The following DMD variants were observed in gnomAD, a reference collection of about 807,000 sequenced individuals.
DMD encodes dystrophin, also known as mutant dystrophin.
A neutral mutation model predicts 330.1 loss-of-function variants in DMD; 63 were observed. The ratio of observed to expected loss-of-function variants is 0.19; its 90% CI spans 0.16 to 0.24. DMD has a LOEUF of 0.24. Among genes scored for constraint, DMD ranks in the 10% least tolerant of loss-of-function variants. DMD has a pLI of 1.00. For missense variants in DMD, 3,344 were observed against 2,684.1 expected (o/e 1.25, Z -5.43); for synonymous variants, 1,223 against 959.8 (o/e 1.27, Z -5.07).
chrX:32,792,823 T>C (rs1603424962), intron 7 of DMD, among the ~76,000 whole-genome samples: 1 of 112,239 alleles, frequency 8.9e-6, no homozygotes, highest in East Asian at 2.8e-4. Flanking sequence ...AAGCAAGTAT[T>C]AGATCTAAAG....
Position 32,340,799 on chromosome X carries a change from A to G in DMD, c.5922+1301T>C, listed in dbSNP as rs534473848. 2.6e-4 allele frequency among the ~76,000 whole-genome samples: 29 copies of G among 112,026 alleles called. 1 individual carries two copies. In the South Asian group the frequency reaches 9.6e-3, roughly 37 times the overall value. Reference sequence around the variant, plus strand: ...AGTGTAAGGTTATTTATGACACATTACATTCATAACATCTAATATGAAGGA... The same window carrying G: ...AGTGTAAGGTTATTTATGACACATTGCATTCATAACATCTAATATGAAGGA... On this transcript the variant is annotated intron_variant, in intron 41 of 78. Coordinates refer to ENST00000357033, the MANE Select transcript of DMD (RefSeq NM_004006.3).
chrX:32,648,794 C>G (rs1405619657), intron 9 of DMD, among the ~76,000 whole-genome samples: 1 of 111,941 alleles, frequency 8.9e-6, no homozygotes, highest in African/African-American at 3.3e-5. Flanking sequence ...TTTGTTTCAG[C>G]ACCCCAAAAT....
intron 2 of DMD, among the ~76,000 whole-genome samples, chrX:32,938,411 A>C (rs1265187792): frequency 9.0e-6 from 1 of 111,505 alleles, no homozygotes; most frequent in Non-Finnish European, 1.9e-5. Context: ...TAGAGCTTTT[A>C]GAAATGCTTC....
intron 60 of DMD, among the ~76,000 whole-genome samples, chrX:31,421,906 C>CACATATATATATGTATATAT (rs2063394053): frequency 1.6e-5 from 1 of 63,028 alleles, no homozygotes; most frequent in African/African-American, 1.2e-4. Flanking sequence ...TATATACACA[C>CACATATATATATGTATATAT]ACACACACAT....
intron 44 of DMD, among the ~76,000 whole-genome samples, chrX:32,075,075 T>C (rs754630660): frequency 1.9e-4 from 21 of 112,173 alleles, no homozygotes; most frequent in Non-Finnish European, 3.6e-4. Flanking sequence ...AGAGAGGAAG[T>C]GAACTCCTCA....
At chrX:31,154,007 A>C (rs186065424) in intron 74 of DMD, among the ~76,000 whole-genome samples, 46 of 112,414 alleles carry the variant, frequency 4.1e-4, no homozygotes, top group African/African-American at 1.5e-3. Flanking sequence ...GAGGGTTTGA[A>C]CTAGAGATGA....
At chrX:32,256,191 T>A (rs987554205) in intron 43 of DMD, among the ~76,000 whole-genome samples, 1 of 111,487 alleles carries the variant, frequency 9.0e-6, no homozygotes, top group Non-Finnish European at 1.9e-5. Context: ...ATATTTAGAA[T>A]AGTTAGTTCT....
At chrX:31,339,763 C>T (rs1018096150) in intron 61 of DMD, among the ~76,000 whole-genome samples, 3 of 111,687 alleles carry the variant, frequency 2.7e-5, no homozygotes, top group Non-Finnish European at 5.6e-5. Context: ...TTAGTAGAGA[C>T]AGGGTTTCTC....
intron 1 of DMD, among the ~76,000 whole-genome samples, chrX:33,044,966 G>A (rs1369852853): frequency 9.0e-5 from 10 of 111,418 alleles, no homozygotes; most frequent in Non-Finnish European, 1.9e-4. Flanking sequence ...GTTGTACTAT[G>A]CATGAATATA....
chrX:33,105,223 A>G (rs755812179), intron 1 of DMD, among the ~76,000 whole-genome samples: 1 of 111,767 alleles, frequency 8.9e-6, no homozygotes, highest in African/African-American at 3.2e-5. Context: ...TGGGACAACC[A>G]CATGTGGAAG....
chrX:32,881,703 TTCAG>T (rs771014882), intron 2 of DMD, among the ~76,000 whole-genome samples: 25 of 112,393 alleles, frequency 2.2e-4, no homozygotes, highest in Admixed American at 3.8e-4. Context: ...ATCCTTGAAA[TTCAG>T]TCAAATACTT....
intron 55 of DMD, among the ~76,000 whole-genome samples, chrX:31,557,598 T>G (rs756614867): frequency 2.7e-5 from 3 of 112,240 alleles, no homozygotes; most frequent in African/African-American, 9.7e-5. Context: ...AATTAGTACA[T>G]TGTTTAACAC....
At chrX:31,313,392 C>T (rs1208719354) in intron 62 of DMD, among the ~76,000 whole-genome samples, 1 of 111,287 alleles carries the variant, frequency 9.0e-6, no homozygotes, top group Non-Finnish European at 1.9e-5. Flanking sequence ...TGGTGATGCC[C>T]AAGATGGCAG....
At chrX:32,410,339 T>G (rs2098136553) in intron 30 of DMD, among the ~76,000 whole-genome samples, 1 of 111,542 alleles carries the variant, frequency 9.0e-6, no homozygotes, top group Non-Finnish European at 1.9e-5. Flanking sequence ...GGAAATAATA[T>G]TCCCTGGACT....
At chrX:32,666,598 C>T (rs148337005) in intron 9 of DMD, among the ~76,000 whole-genome samples, 1,132 of 110,655 alleles carry the variant, frequency 0.01, 14 homozygotes, top group African/African-American at 0.036. Context: ...TTTATCCAGT[C>T]TATCATTGAT....
chrX:32,103,097 C>T (rs757104421), intron 44 of DMD, among the ~76,000 whole-genome samples: 59 of 111,406 alleles, frequency 5.3e-4, no homozygotes, highest in African/African-American at 1.8e-3. Flanking sequence ...CAATATCATA[C>T]GAGGTTTATC....
intron 64 of DMD, among the ~76,000 whole-genome samples, chrX:31,219,099 G>A (rs967220920): frequency 1.8e-5 from 2 of 111,468 alleles, no homozygotes; most frequent in Non-Finnish European, 3.8e-5. Flanking sequence ...TTGACCTTCA[G>A]TTCCTTTACT....
chrX:32,651,167 A>C (rs778860806), intron 9 of DMD, among the ~76,000 whole-genome samples: 1 of 110,209 alleles, frequency 9.1e-6, no homozygotes, highest in Non-Finnish European at 1.9e-5. Flanking sequence ...TTTGAGATTG[A>C]GTATTGCTCT....
At chrX:32,325,952 A>G (rs1048984315) in intron 41 of DMD, among the ~76,000 whole-genome samples, 1 of 111,297 alleles carries the variant, frequency 9.0e-6, no homozygotes, top group Non-Finnish European at 1.9e-5. Context: ...AAAAATACCC[A>G]AGCCAAAGTA....
Sources: allele counts gnomAD v4.1 joint callset (sites outside exome capture counted in the v4.1 genomes callset), GRCh38; gene constraint gnomAD v4.1.1; transcripts MANE v1.5; gene names NCBI Gene and HGNC (gene_info 2026-07-23, HGNC 2026-07-21).